Variants in MYO9A observed in about 807,000 individuals in gnomAD.
MYO9A encodes the protein myosin IXA.
Under a neutral mutation model 293.3 loss-of-function variants are expected in MYO9A, and 103 were observed. The ratio of observed to expected loss-of-function variants is 0.35; its 90% CI spans 0.30 to 0.41. The LOEUF (loss-of-function observed/expected upper bound fraction) is 0.41. Ranked by LOEUF, MYO9A falls within the 10% of genes least tolerant of loss-of-function variation. MYO9A has a pLI of 1.00. For synonymous variants in MYO9A, 1,001 were observed against 1,035.7 expected (o/e 0.97, Z 0.64); for missense variants, 2,685 against 3,033.0 (o/e 0.89, Z 2.69).
At chr15:72,104,747 C>T (rs1484235502) in intron 1 of MYO9A, among the ~76,000 whole-genome samples, 1 of 152,188 alleles carries the variant, frequency 6.6e-6, no homozygotes, top group Non-Finnish European at 1.5e-5. Flanking sequence ...TCTCTTCATT[C>T]ATAGGATACA....
chr15:72,013,791 A>G (rs1239611559), intron 6 of MYO9A, among the ~76,000 whole-genome samples: 3 of 152,166 alleles, frequency 2.0e-5, no homozygotes, highest in Non-Finnish European at 4.4e-5. Context: ...TACTTAAGAA[A>G]TCATACTATC....
chr15:71,863,510 T>C (rs925156381), intron 32 of MYO9A, among the ~76,000 whole-genome samples: 3 of 152,150 alleles, frequency 2.0e-5, no homozygotes, highest in African/African-American at 7.2e-5. Context: ...TGTAAATTTC[T>C]TTAATGTCTG....
intron 2 of MYO9A, among the ~76,000 whole-genome samples, chr15:72,034,996 A>C (rs2077998178): frequency 6.6e-6 from 1 of 152,240 alleles, no homozygotes; most frequent in Admixed American, 6.5e-5. Context: ...GTGGCAAATA[A>C]GCATGAGAAA....
chr15:71,892,938 A>G (rs1458515682), intron 26 of MYO9A: 1 of 1,209,112 alleles, frequency 8.3e-7, no homozygotes, highest in Non-Finnish European at 1.1e-6. Context: ...TTTGCTTGCT[A>G]TTTTTCTTAT....
At position 71,849,936 on chromosome 15, in the gene MYO9A, T is replaced by G. The variant is rs560852887; in HGVS notation, c.6713+100A>C. 2.1e-4 allele frequency: 202 copies of G among 943,530 alleles called. No homozygotes were observed. The African/African-American group carries it at 3.2e-3, about 15-fold the overall frequency. 58.4% of individuals were successfully genotyped at this position (943,530 alleles called of 1,614,324 possible). A position where few individuals can be genotyped will look rare whatever the true frequency, so the allele number is the denominator to read the frequency against. On this transcript the variant is annotated intron_variant, in intron 38 of 41. Transcript: ENST00000356056. ...GTCCAACAATCTTCTTAAAAACACCTGAATTTATGAACCCATTCACTATGT... is the reference window on the plus strand; with the variant it reads ...GTCCAACAATCTTCTTAAAAACACCGGAATTTATGAACCCATTCACTATGT...
intron 1 of MYO9A, among the ~76,000 whole-genome samples, chr15:72,060,026 CCA>C (rs1276798431): frequency 6.6e-6 from 1 of 152,178 alleles, no homozygotes; most frequent in Non-Finnish European, 1.5e-5. Context: ...GTTGCCTCTC[CCA>C]CAGTCTTTGA....
intron 8 of MYO9A, among the ~76,000 whole-genome samples, chr15:72,003,683 G>A (rs1238953753): frequency 7.9e-5 from 11 of 138,516 alleles, no homozygotes; most frequent in Admixed American, 6.3e-4. Context: ...CAGCCTGGGC[G>A]ACAGAGCGAG....
intron 3 of MYO9A, among the ~76,000 whole-genome samples, chr15:72,028,218 A>ATATATATATAT (rs1555408278): frequency 1.1e-3 from 148 of 134,218 alleles, no homozygotes; most frequent in Middle Eastern, 3.8e-3. Context: ...TAAATAAATA[A>ATATATATATAT]ATATATATAT....
In MYO9A at chr15:72,026,939, T is replaced by C. The variant is rs191945496; in HGVS notation, c.998+792A>G. Among the ~76,000 whole-genome samples the C allele has an allele frequency of 1.6e-4, 24 of 152,302 alleles. No individual in the cohort carries two copies. In the East Asian group the frequency reaches 4.6e-3, roughly 29 times the overall value. On this transcript the variant is annotated intron_variant, in intron 4 of 41. Transcript: ENST00000356056. ...ACAGATCTATAATAACTAAAGTGTT[T>C]CAATTAATAATCAAAATTTCACACA...
chr15:71,930,720 G>A (rs2058451835), intron 18 of MYO9A, among the ~76,000 whole-genome samples: 1 of 152,084 alleles, frequency 6.6e-6, no homozygotes. Flanking sequence ...GATAGGTAAA[G>A]ATTTACTAGT....
At chr15:72,106,657 G>C (rs1265242549) in intron 1 of MYO9A, among the ~76,000 whole-genome samples, 5 of 151,706 alleles carry the variant, frequency 3.3e-5, no homozygotes, top group African/African-American at 4.8e-5. Flanking sequence ...TTGGAGTGCA[G>C]CAGCGCAATC....
intron 18 of MYO9A, among the ~76,000 whole-genome samples, chr15:71,921,863 T>C (rs1400020047): frequency 1.3e-5 from 2 of 152,186 alleles, no homozygotes; most frequent in Non-Finnish European, 2.9e-5. Flanking sequence ...ATCACCACAA[T>C]CATGATAATG....
chr15:71,928,239 G>A lies in MYO9A; in HGVS notation c.2562+5431C>T, dbSNP rs1457837614. On this transcript the variant is annotated intron_variant, in intron 18 of 41. Coordinates refer to ENST00000356056, the MANE Select transcript of MYO9A (RefSeq NM_006901.4). Reference sequence around the variant, plus strand: ...ACTACAGGCGCCCGCCACTACGCCCGGCTAATTTTTTGTATTTTTAGTAGA... The same window carrying A: ...ACTACAGGCGCCCGCCACTACGCCCAGCTAATTTTTTGTATTTTTAGTAGA... Among the ~76,000 whole-genome samples the A allele has an allele frequency of 5.5e-5, 8 of 145,818 alleles. No individual in the cohort carries two copies. In the South Asian group the frequency reaches 6.7e-4, roughly 12 times the overall value.
intron 13 of MYO9A, among the ~76,000 whole-genome samples, chr15:71,963,061 A>G (rs998010234): frequency 1.3e-5 from 2 of 152,074 alleles, no homozygotes; most frequent in African/African-American, 4.8e-5. Flanking sequence ...TGGGTTTAAC[A>G]GTGTGTACTC....
intron 2 of MYO9A, among the ~76,000 whole-genome samples, chr15:72,034,072 T>C (rs143714416): frequency 9.9e-5 from 15 of 152,264 alleles, no homozygotes; most frequent in African/African-American, 3.4e-4. Context: ...CACGCACACA[T>C]ACAAGACAAG....
chr15:71,866,043 G>A (rs1245009694), intron 32 of MYO9A, among the ~76,000 whole-genome samples: 1 of 152,134 alleles, frequency 6.6e-6, no homozygotes, highest in Non-Finnish European at 1.5e-5. Context: ...ATGAGTGTGT[G>A]ACTGTAAAAA....
chr15:71,978,175 T>C lies in MYO9A; in HGVS notation c.1840A>G (p.Ser614Gly), dbSNP rs1567340185. ...TGLLHLLDEE[S>G]NFPQATNQTL... ...ATTGAAAAGAATCACACTCACTTGC[T>C]TTCTTCATCCAAAAGATGAAGCAGT... Residue 614 changes from serine to glycine, a missense_variant, in exon 12 of 42, where the codon AGC becomes GGC. Coordinates refer to ENST00000356056, the MANE Select transcript of MYO9A (RefSeq NM_006901.4). 1 of 1,611,922 alleles carries C rather than the reference T, an allele frequency of 6.2e-7. No homozygotes were observed. Among genetic ancestry groups the C allele is most frequent in the Non-Finnish European group, 8.5e-7 (1 of 1,179,414 alleles).
At chr15:71,986,106 A>G (rs185848383) in intron 11 of MYO9A, among the ~76,000 whole-genome samples, 1 of 152,328 alleles carries the variant, frequency 6.6e-6, no homozygotes, top group Non-Finnish European at 1.5e-5. Context: ...AACCGACCAC[A>G]TATCAAAAAT....
intron 8 of MYO9A, among the ~76,000 whole-genome samples, chr15:72,003,826 G>A (rs938365317): frequency 2.0e-5 from 3 of 151,646 alleles, no homozygotes; most frequent in Admixed American, 6.6e-5. Context: ...TAAAAAATTA[G>A]TTAAAAAGGA....
Sources: gnomAD v4.1 joint callset for allele counts (sites outside exome capture counted in the v4.1 genomes callset) on GRCh38, gnomAD v4.1.1 for gene constraint, MANE v1.5 for transcripts, NCBI Gene and HGNC (gene_info 2026-07-23, HGNC 2026-07-21) for gene names.